The following TICRR variants were observed in gnomAD, a reference collection of about 807,000 sequenced individuals.
TICRR encodes the protein TOPBP1 interacting checkpoint and replication regulator.
In TICRR, 132 loss-of-function variants were observed where a neutral mutation model predicts 178.1. The observed-to-expected ratio is 0.74, with a 90% CI of 0.64 to 0.86. The LOEUF is 0.86. TICRR is among the 40% of genes least tolerant of loss of function. The probability of loss-of-function intolerance (pLI) is 0.00; values close to 1 mark genes in which losing one functional copy is unlikely to be tolerated. For missense variants in TICRR, 2,587 were observed against 2,334.3 expected, an observed-to-expected ratio of 1.11 and a Z score of -2.23; for synonymous variants, 991 against 900.7, an observed-to-expected ratio of 1.10 and a Z score of -1.79.
intron 16 of TICRR, among the ~76,000 whole-genome samples, chr15:89,616,975 G>A (rs1318430822): frequency 6.6e-6 from 1 of 151,992 alleles, no homozygotes; most frequent in Non-Finnish European, 1.5e-5. Flanking sequence ...TCCTTCCTTG[G>A]GGCATCTGTA....
In TICRR at chr15:89,621,516, A is replaced by G; in HGVS notation, c.3278A>G (p.Asn1093Ser). Residue 1093 changes from asparagine to serine, a missense_variant, in exon 19 of 22, where the codon AAC (asparagine) becomes AGC (serine). Transcript: ENST00000268138. ...GSARMKKRSR[N>S]TLDSEVPAAY... ...GCTCGAATGAAAAAGCGTTCAAGAAACACTTTGGATTCGGAGGTACCTGCA... is the reference window on the plus strand; with the variant it reads ...GCTCGAATGAAAAAGCGTTCAAGAAGCACTTTGGATTCGGAGGTACCTGCA... The G allele has an allele frequency of 6.2e-7, 1 of 1,613,890 alleles. No individual in the cohort carries two copies. Among genetic ancestry groups the G allele is most frequent in the Non-Finnish European group, 8.5e-7 (1 of 1,179,938 alleles).
chr15:89,599,774 C>A (rs944161169), intron 8 of TICRR, among the ~76,000 whole-genome samples: 2 of 152,102 alleles, frequency 1.3e-5, no homozygotes, highest in Non-Finnish European at 2.9e-5. Flanking sequence ...TGGTTTTTAA[C>A]CCTGGCTATA....
At chr15:89,602,323 G>T (rs1176265260) in intron 12 of TICRR, among the ~76,000 whole-genome samples, 5 of 152,140 alleles carry the variant, frequency 3.3e-5, no homozygotes, top group Non-Finnish European at 7.4e-5. Flanking sequence ...AAAAGCTAAT[G>T]TTCCAGCATT....
At position 89,603,076 on chromosome 15, in the gene TICRR, CAA is replaced by C. The variant is rs765800579; in HGVS notation, c.2664+185_2664+186del. ...TTGTCAAGAGATTAACAATTTTACT[CAA>C]GAGTGTGATAGTTAGAGGTAATGTG... On this transcript the variant is annotated intron_variant, in intron 13 of 21. Transcript: ENST00000268138. Among the ~76,000 whole-genome samples the C allele has an allele frequency of 4.0e-4, 60 of 151,850 alleles. 1 individual carries two copies. Among genetic ancestry groups the C allele is most frequent in the Non-Finnish European group, 6.3e-4 (43 of 67,954 alleles).
At chr15:89,613,789 T>C (rs1457316235) in intron 15 of TICRR, among the ~76,000 whole-genome samples, 13 of 145,570 alleles carry the variant, frequency 8.9e-5, no homozygotes, top group Admixed American at 7.9e-4. Context: ...TGGCAAGTCA[T>C]TGGACTCATA....
At position 89,580,887 on chromosome 15, in the gene TICRR, C is replaced by T. The variant is rs8025633; in HGVS notation, c.655-1799C>T. Among the ~76,000 whole-genome samples, 1,052 of 152,190 alleles carry T rather than the reference C, an allele frequency of 6.9e-3. 12 individuals are homozygous for T. The highest frequency in any genetic ancestry group is 0.024 in the African/African-American group (990 of 41,500). On this transcript the variant is annotated intron_variant, in intron 1 of 21. Coordinates refer to ENST00000268138, the MANE Select transcript of TICRR (RefSeq NM_152259.4). ...TCTCTACAAAAAATACAAAAGTTAG[C>T]CAGGTGTGGTGGCACATGCCTGTAC...
At chr15:89,589,271 T>C (rs753957751) in intron 4 of TICRR, among the ~76,000 whole-genome samples, 47 of 152,110 alleles carry the variant, frequency 3.1e-4, no homozygotes, top group Non-Finnish European at 4.9e-4. Flanking sequence ...GATTGATTCC[T>C]GATGGTTTCA....
intron 4 of TICRR, among the ~76,000 whole-genome samples, chr15:89,589,395 C>T (rs962950869): frequency 2.6e-5 from 4 of 152,108 alleles, no homozygotes; most frequent in South Asian, 2.1e-4. Context: ...CATCTAACTC[C>T]GAGGGCCTAG....
chr15:89,606,736 A>T, intron 13 of TICRR, 32 bp from the exon 14 acceptor site: 1 of 1,598,964 alleles, frequency 6.3e-7, no homozygotes, highest in South Asian at 1.1e-5. Context: ...ATGCCTATTT[A>T]AATTTTCTTT....
chr15:89,591,964 C>T (rs768998231), intron 4 of TICRR, 83 bp from the exon 5 acceptor site: 17 of 1,331,170 alleles, frequency 1.3e-5, no homozygotes, highest in Middle Eastern at 1.9e-4. Flanking sequence ...GCAGTCAGTC[C>T]AGGGGAGGAG....
At position 89,576,175 on chromosome 15, in the gene TICRR, G is replaced by C; in HGVS notation, c.589G>C (p.Val197Leu). 3 of 1,601,958 alleles carry C rather than the reference G, an allele frequency of 1.9e-6. No homozygotes were observed. The highest frequency in any genetic ancestry group is 2.5e-6 in the Non-Finnish European group (3 of 1,179,496). Residue 197 changes from valine (V) to leucine (L), a missense_variant, in exon 1 of 22, where the codon GTC becomes CTC. Physicochemically the swap from Val to Leu is conservative, Grantham distance 32 (BLOSUM62 1). Coordinates refer to ENST00000268138, the MANE Select transcript of TICRR (RefSeq NM_152259.4). ...QVMEKLLPKR[V>L]REVMVARKIT... ...GATGGAGAAGTTGTTGCCCAAGAGA[G>C]TCCGGGAAGTCATGGTCGCCCGAAA...
chr15:89,625,140 C>T lies in TICRR; in HGVS notation c.4830C>T (p.Ala1610=), dbSNP rs778419506. 1.2e-6 allele frequency: 2 copies of T among 1,613,956 alleles called. No individual in the cohort carries two copies. The change falls in exon 20 of 22, where the codon GCC becomes GCT. Residue 1610 remains alanine (A), a synonymous_variant. Coordinates refer to ENST00000268138, the MANE Select transcript of TICRR (RefSeq NM_152259.4). ...TCCCTGCTCTCAGCATGCCCAGGGC[C>T]AGCAGGTCCTTAAGCAAACCTGAAC... The part of the protein sequence containing the change: ...SFLPALSMPR[A]SRSLSKPEPT...
In TICRR at chr15:89,627,215, G is replaced by T; in HGVS notation, c.*129G>T. 8.7e-7 allele frequency: 1 copy of T among 1,149,624 alleles called. No homozygotes were observed. The highest frequency in any genetic ancestry group is 2.4e-5 in the East Asian group (1 of 41,558). 71.2% of individuals were successfully genotyped at this position (1,149,624 alleles called of 1,614,324 possible). A position where few individuals can be genotyped will look rare whatever the true frequency, so the allele number is the denominator to read the frequency against. On this transcript the variant is annotated 3_prime_UTR_variant, in exon 22 of 22. Transcript: ENST00000268138. The stretch of plus-strand genomic sequence containing the variant: ...TTCAGATTGCCATTAGAATGCCTTA[G>T]GGTTTTCTAATTCCCCTTATGGATC...
At chr15:89,615,564 T>C (rs1963322224) in intron 15 of TICRR, among the ~76,000 whole-genome samples, 1 of 152,220 alleles carries the variant, frequency 6.6e-6, no homozygotes, top group Admixed American at 6.5e-5. Flanking sequence ...TGACCATTTT[T>C]CCCAGTGATC....
chr15:89,605,053 AT>A (rs777911275), intron 13 of TICRR, among the ~76,000 whole-genome samples: 29 of 152,266 alleles, frequency 1.9e-4, no homozygotes, highest in Middle Eastern at 3.4e-3. Flanking sequence ...TAAAAAAAAA[AT>A]ATTTGATCCT....
intron 15 of TICRR, among the ~76,000 whole-genome samples, chr15:89,611,715 T>C (rs1963259053): frequency 6.6e-6 from 1 of 152,138 alleles, no homozygotes; most frequent in Non-Finnish European, 1.5e-5. Context: ...TCAATTACCT[T>C]ATCTTCACGT....
intron 16 of TICRR, among the ~76,000 whole-genome samples, chr15:89,617,758 C>A (rs1328672996): frequency 1.3e-5 from 2 of 150,210 alleles, no homozygotes; most frequent in African/African-American, 4.9e-5. Context: ...GTGGCGCGAT[C>A]CTGGCTCACT....
chr15:89,619,907 A>G, intron 18 of TICRR, 65 bp downstream of exon 18: 2 of 1,533,452 alleles, frequency 1.3e-6, no homozygotes, highest in Non-Finnish European at 8.8e-7. Flanking sequence ...TTTTTGGGAA[A>G]AGAAGCAAGA....
chr15:89,619,648 A>T, intron 17 of TICRR, 60 bp from the exon 18 acceptor site: 1 of 1,550,944 alleles, frequency 6.4e-7, no homozygotes, highest in South Asian at 1.3e-5. Flanking sequence ...TTTGGACAAC[A>T]TGAGAAAATG....
Sources: gnomAD v4.1 joint callset for allele counts (sites outside exome capture counted in the v4.1 genomes callset) on GRCh38, gnomAD v4.1.1 for gene constraint, MANE v1.5 for transcripts, NCBI Gene and HGNC (gene_info 2026-07-23, HGNC 2026-07-21) for gene names.